Variants in SLC24A4 observed in about 807,000 individuals in gnomAD.
The protein encoded by SLC24A4 is solute carrier family 24 member 4.
Under a neutral mutation model 79.0 loss-of-function variants are expected in SLC24A4, and 53 were observed. The ratio of observed to expected loss-of-function variants is 0.67; its 90% CI spans 0.54 to 0.84. The LOEUF is 0.84. Among genes scored for constraint, SLC24A4 ranks in the 40% least tolerant of loss-of-function variants. The pLI is 0.00. For missense variants in SLC24A4, 731 were observed against 822.0 expected (o/e 0.89, Z 1.35); for synonymous variants, 323 against 323.8 (o/e 1.00, Z 0.03).
At chr14:92,461,309 A>G (rs1893795350) in intron 12 of SLC24A4, among the ~76,000 whole-genome samples, 1 of 152,226 alleles carries the variant, frequency 6.6e-6, no homozygotes, top group South Asian at 2.1e-4. Context: ...GACTTGCCAT[A>G]TGTCAGGCAC....
At chr14:92,379,075 T>C (rs1461092013) in intron 2 of SLC24A4, among the ~76,000 whole-genome samples, 3 of 152,108 alleles carry the variant, frequency 2.0e-5, no homozygotes, top group East Asian at 1.9e-4. Flanking sequence ...AATCAATAAA[T>C]AGCTAGCTAG....
chr14:92,397,059 T>C (rs1480003109), intron 2 of SLC24A4, among the ~76,000 whole-genome samples: 1 of 152,246 alleles, frequency 6.6e-6, no homozygotes, highest in Non-Finnish European at 1.5e-5. Context: ...TATTTATTTC[T>C]GGGTTTTGAC....
chr14:92,381,454 G>A (rs1049209602), intron 2 of SLC24A4, among the ~76,000 whole-genome samples: 3 of 152,096 alleles, frequency 2.0e-5, no homozygotes, highest in Admixed American at 2.0e-4. Context: ...AGGGGAGGGA[G>A]AGCATTAGGA....
intron 12 of SLC24A4, among the ~76,000 whole-genome samples, chr14:92,468,894 G>C (rs943260345): frequency 5.8e-5 from 1 of 17,380 alleles, no homozygotes; most frequent in East Asian, 2.3e-3. Context: ...TCATGTATCT[G>C]TGTGTGTGTG....
chr14:92,472,718 T>G (rs1894507113), intron 12 of SLC24A4, among the ~76,000 whole-genome samples: 1 of 152,226 alleles, frequency 6.6e-6, no homozygotes, highest in Non-Finnish European at 1.5e-5. Flanking sequence ...TCCACATTTT[T>G]GCAATTGCGA....
intron 2 of SLC24A4, among the ~76,000 whole-genome samples, chr14:92,392,555 C>T (rs1013146574): frequency 4.0e-5 from 6 of 151,750 alleles, no homozygotes; most frequent in African/African-American, 1.5e-4. Context: ...AGGGCGGTAG[C>T]GGCCAGTCGA....
chr14:92,414,591 T>C (rs1486963722), intron 2 of SLC24A4, among the ~76,000 whole-genome samples: 2 of 151,934 alleles, frequency 1.3e-5, no homozygotes, highest in Non-Finnish European at 2.9e-5. Flanking sequence ...ACAAACAAAA[T>C]TAGCTGGGCA....
At chr14:92,391,273 T>C (rs1889446261) in intron 2 of SLC24A4, among the ~76,000 whole-genome samples, 1 of 152,182 alleles carries the variant, frequency 6.6e-6, no homozygotes, top group South Asian at 2.1e-4. Context: ...GAAGAGATAC[T>C]GGCCATTTCA....
chr14:92,408,572 C>G, intron 2 of SLC24A4: 1 of 264,244 alleles, frequency 3.8e-6, no homozygotes, highest in South Asian at 1.4e-4. Context: ...TCTGGCTGTC[C>G]TGTTTACAGG....
intron 2 of SLC24A4, among the ~76,000 whole-genome samples, chr14:92,410,167 C>T (rs2402137): frequency 0.078 from 11,898 of 152,058 alleles, 740 homozygotes; most frequent in African/African-American, 0.15. Context: ...TTCACACATA[C>T]CCCCAAACCT....
At chr14:92,457,897 G>T (rs1893573146) in intron 12 of SLC24A4, among the ~76,000 whole-genome samples, 1 of 152,232 alleles carries the variant, frequency 6.6e-6, no homozygotes, top group South Asian at 2.1e-4. Context: ...CCTGCCTCTT[G>T]TCCCATCTTG....
chr14:92,343,515 G>T (rs888962559), intron 2 of SLC24A4, among the ~76,000 whole-genome samples: 11 of 152,096 alleles, frequency 7.2e-5, no homozygotes, highest in African/African-American at 2.4e-4. Flanking sequence ...TTCTCCATTT[G>T]TTCCTCTTCT....
rs959330436 is a variant in SLC24A4 at position 92,441,943 on chromosome 14, G to A, written c.394-146G>A. On this transcript the variant is annotated intron_variant, in intron 4 of 16. Coordinates refer to ENST00000532405, the MANE Select transcript of SLC24A4 (RefSeq NM_153646.4). The surrounding 1 kb of genome is among the most constrained non-coding windows in gnomAD (Gnocchi z 4.6). ...GCAGATGGCAGAGGGCACACAGCAT[G>A]TGCCCAGGGGTGAGAGGCTGCAGGC... The A allele has an allele frequency of 1.6e-5, 9 of 558,984 alleles. No individual in the cohort carries two copies. The South Asian group carries it at 1.9e-4, about 12-fold the overall frequency. 34.6% of individuals were successfully genotyped at this position (558,984 alleles called of 1,614,324 possible).
intron 2 of SLC24A4, among the ~76,000 whole-genome samples, chr14:92,431,546 T>C (rs1891870897): frequency 6.6e-6 from 1 of 152,192 alleles, no homozygotes; most frequent in African/African-American, 2.4e-5. Context: ...AATCCTGAAC[T>C]GTGGAGCAGA....
Position 92,408,691 on chromosome 14 carries a change from A to G in SLC24A4, c.242-25221A>G, listed in dbSNP as rs375665665. Among the ~76,000 whole-genome samples the G allele has an allele frequency of 8.6e-4, 131 of 152,336 alleles. 1 individual carries two copies. The highest frequency in any genetic ancestry group is 9.6e-4 in the East Asian group (5 of 5,184). On this transcript the variant is annotated intron_variant, in intron 2 of 16. Transcript: ENST00000532405. The stretch of plus-strand genomic sequence containing the variant: ...TAGGTAGTAATTAGGATTAAATAAG[A>G]TAATGACTTACAAATGTGGATTTTT...
At chr14:92,366,958 G>A (rs191564848) in intron 2 of SLC24A4, among the ~76,000 whole-genome samples, 1 of 152,320 alleles carries the variant, frequency 6.6e-6, no homozygotes, top group East Asian at 1.9e-4. Flanking sequence ...TTGTTCTGGG[G>A]TCAGTGCCTT....
intron 2 of SLC24A4, chr14:92,408,574 GT>G: frequency 3.9e-6 from 1 of 254,218 alleles, no homozygotes; most frequent in Non-Finnish European, 6.2e-6. Flanking sequence ...TGGCTGTCCT[GT>G]TTACAGGCTG....
chr14:92,466,964 A>T (rs1894163994), intron 12 of SLC24A4, among the ~76,000 whole-genome samples: 2 of 152,330 alleles, frequency 1.3e-5, no homozygotes, highest in South Asian at 4.1e-4. Flanking sequence ...TGTGAAAACA[A>T]CCTCTGAGGT....
chr14:92,400,251 C>G (rs371432363), intron 2 of SLC24A4, among the ~76,000 whole-genome samples: 39 of 152,072 alleles, frequency 2.6e-4, no homozygotes, highest in Admixed American at 5.9e-4. Flanking sequence ...ACATCCAGGC[C>G]AACATGGTGA....
Sources: gnomAD v4.1 joint callset for allele counts (sites outside exome capture counted in the v4.1 genomes callset) on GRCh38, gnomAD v4.1.1 for gene constraint, Gnocchi (gnomAD v3.1) non-coding constraint, MANE v1.5 for transcripts, NCBI Gene and HGNC (gene_info 2026-07-23, HGNC 2026-07-21) for gene names.